CLU: variants seen among roughly 807,000 people sequenced by gnomAD.
CLU encodes the protein aging-associated protein 4.
Under a neutral mutation model 46.4 loss-of-function variants are expected in CLU, and 25 were observed. The ratio of observed to expected loss-of-function variants is 0.54; its 90% CI spans 0.39 to 0.75. The LOEUF is 0.75. CLU is among the 30% of genes least tolerant of loss of function. The pLI, the probability that CLU is intolerant of heterozygous loss-of-function variation, is 0.00. For synonymous variants in CLU, 235 were observed against 235.1 expected, an observed-to-expected ratio of 1.00 and a Z score of 0.00; for missense variants, 504 against 592.1, an observed-to-expected ratio of 0.85 and a Z score of 1.54.
intron 6 of CLU, among the ~76,000 whole-genome samples, chr8:27,600,608 C>A (rs1222515683): frequency 1.3e-5 from 2 of 152,280 alleles, no homozygotes; most frequent in East Asian, 1.9e-4. Flanking sequence ...GGGTGCCAGA[C>A]CCTTATCTCT....
Position 27,597,667 on chromosome 8 carries a change from T to C in CLU, c.*574A>G, listed in dbSNP as rs1236424537. Reference sequence around the variant, plus strand: ...CTCCTTAACTTTCAGTGTATTCCTTTAGGAGATTGTCGCACCTTGGTCAGA... The same window carrying C: ...CTCCTTAACTTTCAGTGTATTCCTTCAGGAGATTGTCGCACCTTGGTCAGA... On this transcript the variant is annotated 3_prime_UTR_variant, in exon 9 of 9. Coordinates refer to ENST00000316403, the MANE Select transcript of CLU (RefSeq NM_001831.4). 8.8e-6 allele frequency: 4 copies of C among 454,178 alleles called. No homozygotes were observed. The highest frequency in any genetic ancestry group is 1.8e-5 in the Non-Finnish European group (4 of 226,828). The allele number at this position is 454,178 out of a possible 1,614,324, so 28.1% of individuals were successfully genotyped here. A position where few individuals can be genotyped will look rare whatever the true frequency, so the allele number is the denominator to read the frequency against.
intron 1 of CLU, chr8:27,611,786 G>T (rs1800935698): frequency 2.2e-6 from 1 of 456,700 alleles, no homozygotes; most frequent in South Asian, 1.5e-5. Flanking sequence ...GATGGGGTCA[G>T]CGCCTTCCCC....
At position 27,597,065 on chromosome 8, in the gene CLU, A is replaced by C. The variant is rs918834557; in HGVS notation, c.*1176T>G. ...TGACTTTACTCTGAATTTCCTTGAC[A>C]GCCATGCTAAAATACTTACCTTGGA... On this transcript the variant is annotated 3_prime_UTR_variant, in exon 9 of 9. Coordinates refer to ENST00000316403, the MANE Select transcript of CLU (RefSeq NM_001831.4). 2 of 454,158 alleles carry C rather than the reference A, an allele frequency of 4.4e-6. No individual in the cohort carries two copies. Among genetic ancestry groups the C allele is most frequent in the Admixed American group, 2.3e-5 (1 of 42,584 alleles). The allele number at this position is 454,158 out of a possible 1,614,324, so 28.1% of individuals were successfully genotyped here.
At chr8:27,604,845 G>A in intron 5 of CLU, 79 bp downstream of exon 5, 3 of 1,497,290 alleles carry the variant, frequency 2.0e-6, no homozygotes, top group Non-Finnish European at 2.8e-6. Context: ...AAATCGAGAT[G>A]ACACCCGCTG....
At chr8:27,608,696 GA>G in intron 3 of CLU, 1 of 597,792 alleles carries the variant, frequency 1.7e-6, no homozygotes, top group Admixed American at 2.9e-5. Flanking sequence ...CTATTGAAAT[GA>G]ATCTGGGCAT....
chr8:27,610,712 A>C lies in CLU; in HGVS notation c.-29-112T>G, dbSNP rs117225896. 1.3e-3 allele frequency: 1,048 copies of C among 778,622 alleles called. 14 individuals are homozygous for C. The East Asian group carries it at 0.021, about 15-fold the overall frequency. 48.2% of individuals were successfully genotyped at this position (778,622 alleles called of 1,614,324 possible). On this transcript the variant is annotated intron_variant, in intron 1 of 8. Coordinates refer to ENST00000316403, the MANE Select transcript of CLU (RefSeq NM_001831.4). ...CCTCACTGCCCTCAGCTGTCCCCAC[A>C]GCAGGCACTGCTGCACTTTTATTCC...
intron 5 of CLU, 109 bp from the exon 6 acceptor site, chr8:27,604,504 ACT>A: frequency 1.1e-6 from 1 of 935,856 alleles, no homozygotes; most frequent in Non-Finnish European, 1.7e-6. Context: ...ACAGGGTCTC[ACT>A]CTGTTGCCCA....
intron 1 of CLU, chr8:27,611,405 C>T (rs935910987): frequency 1.5e-5 from 7 of 456,568 alleles, no homozygotes; most frequent in African/African-American, 1.2e-4. Flanking sequence ...CCCCTCTAAG[C>T]CGACAGCAGG....
intron 1 of CLU, chr8:27,611,988 A>T (rs1214718073): frequency 2.2e-5 from 8 of 358,494 alleles, no homozygotes; most frequent in Non-Finnish European, 4.4e-5. Context: ...GGAAAAACCC[A>T]TTCAGAACTA....
intron 3 of CLU, 74 bp downstream of exon 3, chr8:27,608,864 C>G (rs887844837): frequency 9.7e-6 from 15 of 1,542,740 alleles, no homozygotes; most frequent in Non-Finnish European, 1.2e-5. Context: ...CCCAGCAGGG[C>G]ACCGCGCAGT....
intron 1 of CLU, 101 bp downstream of exon 1, chr8:27,614,554 T>G (rs905158172): frequency 3.3e-5 from 13 of 392,008 alleles, no homozygotes; most frequent in Non-Finnish European, 1.0e-5. Flanking sequence ...GGGTTGTGAC[T>G]GCGAGCTGTG....
chr8:27,598,964 G>A (rs1339898130), intron 7 of CLU: 4 of 226,076 alleles, frequency 1.8e-5, no homozygotes, highest in Non-Finnish European at 8.7e-6. Flanking sequence ...CAGAGGGCCT[G>A]GAGGGAAGAA....
intron 6 of CLU, among the ~76,000 whole-genome samples, chr8:27,602,316 G>C (rs949954222): frequency 6.6e-6 from 1 of 150,662 alleles, no homozygotes; most frequent in African/African-American, 2.4e-5. Context: ...AGAATGACCT[G>C]GTCCAAAATG....
In CLU at chr8:27,598,546, C is replaced by CG. The variant is rs765300387; in HGVS notation, c.1253dup (p.Val419GlyfsTer11). On this transcript the variant is annotated frameshift_variant, in exon 8 of 9. Coordinates refer to ENST00000316403, the MANE Select transcript of CLU (RefSeq NM_001831.4). LOFTEE classifies it high-confidence loss of function. ...TCTTCCTGGAGACTTCTACAGGGAC[C>CG]GTCACAGTGATGGGATCAGAGTCAA... 4.3e-6 allele frequency: 7 copies of CG among 1,613,962 alleles called. No individual in the cohort carries two copies. Among genetic ancestry groups the CG allele is most frequent in the African/African-American group, 1.3e-5 (1 of 74,922 alleles).
At chr8:27,598,368 C>T (rs1800650354) in intron 8 of CLU, 92 bp downstream of exon 8, 2 of 1,597,504 alleles carry the variant, frequency 1.3e-6, no homozygotes, top group African/African-American at 1.3e-5. Context: ...TCGTTCCCAC[C>T]AGGCTATAGA....
At position 27,606,529 on chromosome 8, in the gene CLU, A is replaced by G. The variant is rs913463313; in HGVS notation, c.247-5T>C. ...CCTGGTCTCATTTAGGGCATCCTACAGGAAGACACAAGGCTGGCTGAGCCA... is the reference window on the plus strand; with the variant it reads ...CCTGGTCTCATTTAGGGCATCCTACGGGAAGACACAAGGCTGGCTGAGCCA... On this transcript the variant is annotated splice_region_variant and splice_polypyrimidine_tract_variant and intron_variant, in intron 3 of 8. Coordinates refer to ENST00000316403, the MANE Select transcript of CLU (RefSeq NM_001831.4). The G allele has an allele frequency of 2.5e-6, 4 of 1,613,902 alleles. No homozygotes were observed. In the Admixed American group the frequency reaches 5.0e-5, roughly 20 times the overall value.
In CLU at chr8:27,597,563, C is replaced by G. The variant is rs1800626474; in HGVS notation, c.*678G>C. 1 of 453,968 alleles carries G rather than the reference C, an allele frequency of 2.2e-6. No individual in the cohort carries two copies. The highest frequency in any genetic ancestry group is 1.6e-5 in the South Asian group (1 of 64,478). 28.1% of individuals were successfully genotyped at this position (453,968 alleles called of 1,614,324 possible). The stretch of plus-strand genomic sequence containing the variant: ...CAAATAAAACTGATAATTTGGACTT[C>G]TGGGCACCAAATGTTTTCATAACGA... On this transcript the variant is annotated 3_prime_UTR_variant, in exon 9 of 9. Transcript: ENST00000316403.
rs532393133 is a variant in CLU at position 27,599,906 on chromosome 8, C to G, written c.1038G>C (p.Lys346Asn). ...TGTTGAGCATCTTCCACTGGTAGGA[C>G]TTTAGCAGCTCGTTGTATTTCCTGG... is the stretch of plus-strand genomic sequence containing the variant. Reference protein sequence around the residue: ...RLTRKYNELLKSYQWKMLNTS... With the variant: ...RLTRKYNELLNSYQWKMLNTS... The change falls in exon 7 of 9, where the codon AAG becomes AAC. Residue 346 changes from lysine (K) to asparagine (N), a missense_variant. This residue lies in a region of CLU where 428 missense variants were observed against 484.0 expected (regional missense o/e 0.88). Transcript: ENST00000316403. This position sits in a 1 kb window ranked among gnomAD's most constrained non-coding sequence, Gnocchi z 4.0. The G allele has an allele frequency of 1.5e-5, 25 of 1,614,248 alleles. No homozygotes were observed. In the South Asian group the frequency reaches 2.7e-4, roughly 18 times the overall value.
At position 27,599,712 on chromosome 8, in the gene CLU, C is replaced by T. The variant is rs962616524; in HGVS notation, c.1164+68G>A. 2 of 1,202,946 alleles carry T rather than the reference C, an allele frequency of 1.7e-6. No homozygotes were observed. Among genetic ancestry groups the T allele is most frequent in the Non-Finnish European group, 2.4e-6 (2 of 827,724 alleles). The allele number at this position is 1,202,946 out of a possible 1,614,324, so 74.5% of individuals were successfully genotyped here. A position where few individuals can be genotyped will look rare whatever the true frequency, so the allele number is the denominator to read the frequency against. ...TGTGATAAATGCTCAGTCAAAAGCACACATGCCCCTGCTCCCGATCACAGC... is the reference window on the plus strand; with the variant it reads ...TGTGATAAATGCTCAGTCAAAAGCATACATGCCCCTGCTCCCGATCACAGC... On this transcript the variant is annotated intron_variant, in intron 7 of 8. Transcript: ENST00000316403. This position sits in a 1 kb window ranked among gnomAD's most constrained non-coding sequence, Gnocchi z 4.0.
Sources: gnomAD v4.1 joint callset for allele counts (sites outside exome capture counted in the v4.1 genomes callset) on GRCh38, gnomAD v4.1.1 for gene constraint, gnomAD v4.1.1 regional missense constraint, Gnocchi (gnomAD v3.1) non-coding constraint, MANE v1.5 for transcripts, NCBI Gene and HGNC (gene_info 2026-07-23, HGNC 2026-07-21) for gene names.